Variants in MED13L observed in about 807,000 individuals in gnomAD.
MED13L encodes mediator of RNA polymerase II transcription subunit 13-like.
In MED13L, 7 loss-of-function variants were observed where a neutral mutation model predicts 220.9. The ratio of observed to expected loss-of-function variants is 0.03; its 90% CI spans 0.02 to 0.06. The LOEUF (loss-of-function observed/expected upper bound fraction) is 0.06, where lower values mean the gene tolerates loss of function less well. Ranked by LOEUF, MED13L falls within the 10% of genes least tolerant of loss-of-function variation. The pLI is 1.00. For missense variants in MED13L, 1,965 were observed against 2,760.5 expected, an observed-to-expected ratio of 0.71 and a Z score of 6.46; for synonymous variants, 1,011 against 1,015.2, an observed-to-expected ratio of 1.00 and a Z score of 0.08.
chr12:116,074,242 A>G (rs964251689), intron 4 of MED13L, among the ~76,000 whole-genome samples: 1 of 152,146 alleles, frequency 6.6e-6, no homozygotes, highest in Non-Finnish European at 1.5e-5. Context: ...TAAAAACACA[A>G]AAAGTAGCCG....
Position 116,007,145 on chromosome 12 carries a change from T to G in MED13L, c.2238+266A>C, listed in dbSNP as rs1879098352. 1.2e-5 allele frequency: 6 copies of G among 487,430 alleles called. No individual in the cohort carries two copies. The South Asian group carries it at 1.4e-4, about 11-fold the overall frequency. The allele number at this position is 487,430 out of a possible 1,614,324, so 30.2% of individuals were successfully genotyped here. On this transcript the variant is annotated intron_variant, in intron 11 of 30. Transcript: ENST00000281928. ...GCATAGGCCAACAAGAATTAGCATA[T>G]GAGAGAAAACATGCACTGTACAAGC...
At chr12:116,202,123 G>A (rs1032140225) in intron 2 of MED13L, among the ~76,000 whole-genome samples, 1 of 152,136 alleles carries the variant, frequency 6.6e-6, no homozygotes, top group African/African-American at 2.4e-5. Flanking sequence ...CCACACAACA[G>A]CATTTTACAA....
At chr12:116,120,903 G>A (rs1332866713) in intron 2 of MED13L, among the ~76,000 whole-genome samples, 1 of 152,056 alleles carries the variant, frequency 6.6e-6, no homozygotes, top group African/African-American at 2.4e-5. Flanking sequence ...AGAACCAAGA[G>A]ATCTAAAATG....
intron 4 of MED13L, among the ~76,000 whole-genome samples, chr12:116,044,751 C>A (rs914438833): frequency 1.3e-5 from 2 of 152,202 alleles, no homozygotes; most frequent in Non-Finnish European, 2.9e-5. Context: ...CCCAAGTCTT[C>A]TGTTTCTTTT....
At position 116,008,524 on chromosome 12, in the gene MED13L, T is replaced by C. The variant is rs754462346; in HGVS notation, c.1889A>G (p.Glu630Gly). 6 of 1,613,828 alleles carry C rather than the reference T, an allele frequency of 3.7e-6. No homozygotes were observed. Among genetic ancestry groups the C allele is most frequent in the South Asian group, 3.3e-5 (3 of 91,062 alleles). The change falls in exon 10 of 31, where the codon GAA (glutamate) becomes GGA (glycine). Residue 630 changes from glutamate to glycine, a missense_variant. Physicochemically the swap from Glu to Gly is moderately conservative, Grantham distance 98. Transcript: ENST00000281928. ...GAGACGATAACTATGCCACCACTTT[T>C]CTGATGACTCCGGGTTCGAGGGCCT... ...GIRPSNPESS[E>G]KWWHSYRLPP...
intron 29 of MED13L, among the ~76,000 whole-genome samples, chr12:115,965,233 G>T (rs1876065377): frequency 6.6e-6 from 1 of 152,154 alleles, no homozygotes; most frequent in Admixed American, 6.5e-5. Context: ...CATAGAAATG[G>T]TCTCCATTTT....
intron 1 of MED13L, among the ~76,000 whole-genome samples, chr12:116,270,498 A>T (rs1464499938): frequency 6.6e-6 from 1 of 152,178 alleles, no homozygotes; most frequent in African/African-American, 2.4e-5. Context: ...CACGAATTTT[A>T]AACTATTTTT....
At chr12:116,248,590 G>C (rs994941886) in intron 1 of MED13L, among the ~76,000 whole-genome samples, 2 of 152,150 alleles carry the variant, frequency 1.3e-5, no homozygotes, top group African/African-American at 2.4e-5. Flanking sequence ...CTAACTCAAG[G>C]GCTAGCAAAC....
chr12:115,995,086 C>T (rs1878312282), intron 16 of MED13L, among the ~76,000 whole-genome samples: 1 of 152,154 alleles, frequency 6.6e-6, no homozygotes. Context: ...TTTCTGTCAC[C>T]GTTTTTCTTT....
chr12:116,008,636 A>C lies in MED13L; in HGVS notation c.1777T>G (p.Ser593Ala). The part of the protein sequence containing the change: ...YGNGLELQQL[S>A]TLDDRTVLVG... ...AGGACAGTTCTGTCATCCAGAGTAG[A>C]CAACTGCTGGAGTTCTAGTCCATTT... The change falls in exon 10 of 31, where the codon TCT becomes GCT. Residue 593 changes from serine to alanine, a missense_variant. By Grantham distance (99) the Ser-to-Ala change is moderately conservative. This residue lies in a region of MED13L where 818 missense variants were observed against 1,041.2 expected (regional missense o/e 0.79). Coordinates refer to ENST00000281928, the MANE Select transcript of MED13L (RefSeq NM_015335.5). 6.2e-7 allele frequency: 1 copy of C among 1,614,078 alleles called. No homozygotes were observed. The highest frequency in any genetic ancestry group is 8.5e-7 in the Non-Finnish European group (1 of 1,179,994).
intron 1 of MED13L, among the ~76,000 whole-genome samples, chr12:116,246,724 T>C (rs892781745): frequency 1.6e-5 from 2 of 122,948 alleles, no homozygotes; most frequent in Admixed American, 1.7e-4. Flanking sequence ...AGCAGAAGGA[T>C]CACCTGAGCT....
intron 4 of MED13L, among the ~76,000 whole-genome samples, chr12:116,052,430 T>C (rs531964590): frequency 2.6e-5 from 4 of 152,330 alleles, no homozygotes; most frequent in African/African-American, 9.6e-5. Context: ...CTGCAGGAGA[T>C]AGAACCTAAA....
At chr12:116,185,389 C>T (rs781342730) in intron 2 of MED13L, among the ~76,000 whole-genome samples, 2 of 151,034 alleles carry the variant, frequency 1.3e-5, no homozygotes, top group Admixed American at 6.6e-5. Flanking sequence ...AGAGAGGACA[C>T]GAATTCATTC....
intron 4 of MED13L, among the ~76,000 whole-genome samples, chr12:116,031,755 GA>G (rs758690897): frequency 0.032 from 1,903 of 58,980 alleles, 106 homozygotes; most frequent in Admixed American, 0.037. Context: ...GAAAAGAAAA[GA>G]AAAGAAGGAA....
At chr12:115,990,799 T>C (rs1024953644) in intron 17 of MED13L, among the ~76,000 whole-genome samples, 1 of 152,134 alleles carries the variant, frequency 6.6e-6, no homozygotes, top group African/African-American at 2.4e-5. Context: ...AAGAGGAAAA[T>C]TTCAGAAAAC....
At chr12:116,154,929 C>G (rs990427020) in intron 2 of MED13L, among the ~76,000 whole-genome samples, 1 of 152,074 alleles carries the variant, frequency 6.6e-6, no homozygotes, top group South Asian at 2.1e-4. Flanking sequence ...CAGGTTTAAG[C>G]AATTCTCCTA....
chr12:116,230,042 G>A (rs1869400704), intron 2 of MED13L, among the ~76,000 whole-genome samples: 1 of 152,152 alleles, frequency 6.6e-6, no homozygotes, highest in African/African-American at 2.4e-5. Context: ...TGTTTTTCCT[G>A]AAAGTACTTG....
chr12:115,963,077 T>C (rs1247840760), intron 30 of MED13L, among the ~76,000 whole-genome samples: 2 of 152,162 alleles, frequency 1.3e-5, no homozygotes, highest in African/African-American at 4.8e-5. Flanking sequence ...GTGTTTTCAA[T>C]GTGAGGTGCT....
intron 4 of MED13L, among the ~76,000 whole-genome samples, chr12:116,051,181 G>A (rs531898561): frequency 5.3e-5 from 8 of 151,412 alleles, no homozygotes; most frequent in African/African-American, 1.7e-4. Flanking sequence ...ATATTATATA[G>A]CATTTTAATA....
Sources: allele counts gnomAD v4.1 joint callset (sites outside exome capture counted in the v4.1 genomes callset), GRCh38; gene constraint gnomAD v4.1.1; regional missense constraint gnomAD v4.1.1; transcripts MANE v1.5; gene names NCBI Gene and HGNC (gene_info 2026-07-23, HGNC 2026-07-21).